The following SPATA21 variants were observed in gnomAD, a reference collection of about 807,000 sequenced individuals.
SPATA21 encodes the protein spermatogenesis associated 21.
Under a neutral mutation model 54.8 loss-of-function variants are expected in SPATA21, and 47 were observed. The observed-to-expected ratio is 0.86, with a 90% confidence interval of 0.68 to 1.09. The LOEUF (loss-of-function observed/expected upper bound fraction) is 1.09, where lower values mean the gene tolerates loss of function less well. Among genes scored for constraint, SPATA21 ranks in the 50% least tolerant of loss-of-function variants. The pLI is 0.00. For synonymous variants in SPATA21, 245 were observed against 235.3 expected, an observed-to-expected ratio of 1.04 and a Z score of -0.38; for missense variants, 599 against 596.4, an observed-to-expected ratio of 1.00 and a Z score of -0.05.
chr1:16,422,085 T>C, intron 3 of SPATA21, 114 bp from the exon 4 acceptor site: 1 of 1,574,952 alleles, frequency 6.3e-7, no homozygotes, highest in Non-Finnish European at 8.6e-7. Context: ...ACCTGCCTCC[T>C]TGGGGTGCTT....
rs906819598 is a variant in SPATA21 at position 16,421,291 on chromosome 1, C to T, written c.144+218G>A. Among the ~76,000 whole-genome samples, 5 of 152,052 alleles carry T rather than the reference C, an allele frequency of 3.3e-5. No homozygotes were observed. Among genetic ancestry groups the T allele is most frequent in the African/African-American group, 1.2e-4 (5 of 41,362 alleles). On this transcript the variant is annotated intron_variant, in intron 5 of 12. Transcript: ENST00000335496. This position sits in a 1 kb window ranked among gnomAD's most constrained non-coding sequence, Gnocchi z 5.2. The stretch of plus-strand genomic sequence containing the variant: ...AGTGTAAGAGCATTCTTGATGCCCA[C>T]CCAGAATACACACACATGCATACAC...
At chr1:16,435,120 G>A (rs2086553602) in intron 1 of SPATA21, among the ~76,000 whole-genome samples, 3 of 152,058 alleles carry the variant, frequency 2.0e-5, no homozygotes, top group African/African-American at 7.2e-5. Context: ...GCCTCCCAGT[G>A]TTTTGGGATT....
At chr1:16,410,114 TCCC>T in intron 5 of SPATA21, 71 bp from the exon 6 acceptor site, 1 of 1,283,046 alleles carries the variant, frequency 7.8e-7, no homozygotes, top group Non-Finnish European at 1.1e-6. Context: ...CTCCCTGCCA[TCCC>T]CTCTCCAGAG....
Position 16,399,330 on chromosome 1 carries a change from C to A in SPATA21, c.1352+14G>T. On this transcript the variant is annotated intron_variant, in intron 12 of 12. Transcript: ENST00000335496. ...GGAAGGGCCTGGGCTGGGACCCTTT[C>A]TCTGGGCACCCACCTGTTTCCTTGA... The A allele has an allele frequency of 6.2e-7, 1 of 1,601,738 alleles. No individual in the cohort carries two copies. Among genetic ancestry groups the A allele is most frequent in the Non-Finnish European group, 8.5e-7 (1 of 1,173,650 alleles).
At chr1:16,431,630 G>GA (rs572346067) in intron 2 of SPATA21, among the ~76,000 whole-genome samples, 86 of 152,258 alleles carry the variant, frequency 5.6e-4, no homozygotes, top group African/African-American at 1.9e-3. Flanking sequence ...TGACCCTGAG[G>GA]AAAAGGGGCT....
downstream of SPATA21, chr1:16,396,414 C>G (rs2085312294): frequency 6.6e-6 from 1 of 152,204 alleles, no homozygotes; most frequent in African/African-American, 2.4e-5. Context: ...TCCTCAGAGG[C>G]CTAGGCTACC....
intron 3 of SPATA21, among the ~76,000 whole-genome samples, chr1:16,423,246 C>T (rs2086220727): frequency 6.6e-6 from 1 of 150,940 alleles, no homozygotes; most frequent in South Asian, 2.1e-4. Context: ...AACCCTGTCT[C>T]TACTAAAAAC....
intron 7 of SPATA21, among the ~76,000 whole-genome samples, chr1:16,405,506 A>AC (rs1264702183): frequency 4.9e-4 from 74 of 150,134 alleles, no homozygotes; most frequent in African/African-American, 1.7e-3. Context: ...AAAAAAAAAA[A>AC]AAAAAAAAAC....
chr1:16,402,679 C>A (rs920910107), intron 10 of SPATA21, among the ~76,000 whole-genome samples: 4 of 152,108 alleles, frequency 2.6e-5, no homozygotes, highest in Non-Finnish European at 4.4e-5. Context: ...CCTTGAGCCT[C>A]CTGAGTAGCT....
chr1:16,406,544 A>G (rs1210671358), intron 7 of SPATA21, among the ~76,000 whole-genome samples: 1 of 152,118 alleles, frequency 6.6e-6, no homozygotes, highest in African/African-American at 2.4e-5. Flanking sequence ...GAGTCCGAGA[A>G]CAGCCTGGGC....
At position 16,399,405 on chromosome 1, in the gene SPATA21, G is replaced by A. The variant is rs747843416; in HGVS notation, c.1291C>T (p.Pro431Ser). Residue 431 changes from proline to serine, a missense_variant, in exon 12 of 13, where the codon CCC becomes TCC. Pro to Ser is a moderately conservative substitution (Grantham distance 74). Transcript: ENST00000335496. ...SNHYALDQCT[P>S]PGLDPDIRSP... is the part of the protein sequence containing the mutation. Reference sequence around the variant, plus strand: ...CGGATGTCAGGATCCAGGCCAGGGGGTGTGCACTGGTCTAGTGCATAGTGG... The same window carrying A: ...CGGATGTCAGGATCCAGGCCAGGGGATGTGCACTGGTCTAGTGCATAGTGG... The A allele has an allele frequency of 3.1e-6, 5 of 1,613,912 alleles. No homozygotes were observed. The South Asian group carries it at 3.3e-5, about 11-fold the overall frequency.
chr1:16,405,515 ACT>A (rs2085610579), intron 7 of SPATA21, among the ~76,000 whole-genome samples: 2 of 134,270 alleles, frequency 1.5e-5, no homozygotes, highest in Non-Finnish European at 1.7e-5. Flanking sequence ...AAAAAAAAAA[ACT>A]GGGCATGGTG....
intron 1 of SPATA21, 27 bp downstream of exon 1, chr1:16,437,101 T>G (rs1472463628): frequency 1.3e-5 from 2 of 152,212 alleles, no homozygotes; most frequent in South Asian, 4.1e-4. Flanking sequence ...TTGTTCACCT[T>G]ACACCCCACC....
rs1023064852 is a variant in SPATA21, at chr1:16,405,082, G to C, written c.696C>G (p.Ile232Met). 2 of 1,609,376 alleles carry C rather than the reference G, an allele frequency of 1.2e-6. No individual in the cohort carries two copies. Among genetic ancestry groups the C allele is most frequent in the African/African-American group, 1.3e-5 (1 of 74,638 alleles). The change falls in exon 8 of 13, where the codon ATC becomes ATG. Residue 232 changes from isoleucine (I) to methionine (M), a missense_variant. Physicochemically the swap from Ile to Met is conservative, Grantham distance 10. Coordinates refer to ENST00000335496, the MANE Select transcript of SPATA21 (RefSeq NM_198546.1). ...CATCCACCTCACCAGGACCATTGAA[G>C]ATCTCAAAGTAGCTGCGGAAGGCTG... ...QEEAFRSYFE[I>M]FNGPGEVDAQ...
chr1:16,417,437 G>A (rs2086042365), intron 5 of SPATA21, among the ~76,000 whole-genome samples: 1 of 140,512 alleles, frequency 7.1e-6, no homozygotes, highest in Non-Finnish European at 1.5e-5. Context: ...TTTTTTGTGG[G>A]CTTTTTTTTT....
intron 1 of SPATA21, among the ~76,000 whole-genome samples, chr1:16,433,954 TA>T (rs1570231341): frequency 6.6e-6 from 1 of 152,092 alleles, no homozygotes; most frequent in Non-Finnish European, 1.5e-5. Context: ...AATTCTAGAA[TA>T]TTTTTATCAC....
chr1:16,433,799 CTA>C (rs1168012114), intron 1 of SPATA21, among the ~76,000 whole-genome samples: 2 of 152,180 alleles, frequency 1.3e-5, no homozygotes, highest in Admixed American at 6.5e-5. Context: ...CAAATATCGA[CTA>C]TGTCACCCTT....
intron 1 of SPATA21, among the ~76,000 whole-genome samples, chr1:16,435,808 C>T (rs2086573055): frequency 6.6e-6 from 1 of 152,038 alleles, no homozygotes; most frequent in Non-Finnish European, 1.5e-5. Context: ...ACTGGGTTGT[C>T]TTTTTATTAT....
At chr1:16,405,710 G>T (rs1337568936) in intron 7 of SPATA21, among the ~76,000 whole-genome samples, 1 of 152,056 alleles carries the variant, frequency 6.6e-6, no homozygotes, top group African/African-American at 2.4e-5. Flanking sequence ...ACACCACACA[G>T]TCTGACTAGT....
Sources: gnomAD v4.1 joint callset for allele counts (sites outside exome capture counted in the v4.1 genomes callset) on GRCh38, gnomAD v4.1.1 for gene constraint, Gnocchi (gnomAD v3.1) non-coding constraint, MANE v1.5 for transcripts, NCBI Gene and HGNC (gene_info 2026-07-23, HGNC 2026-07-21) for gene names.